The following FSCN1 variants were observed in gnomAD, a reference collection of about 807,000 sequenced individuals.
FSCN1 encodes fascin actin-bundling protein 1, also known as fascin.
Under a neutral mutation model 39.7 loss-of-function variants are expected in FSCN1, and 10 were observed. The observed-to-expected ratio is 0.25, with a 90% CI of 0.16 to 0.43. The LOEUF is 0.43. FSCN1 is among the 20% of genes least tolerant of loss of function. The pLI, the probability that FSCN1 is intolerant of heterozygous loss-of-function variation, is 1.00. For missense variants in FSCN1, 525 were observed against 723.8 expected, an observed-to-expected ratio of 0.73 and a Z score of 3.15; for synonymous variants, 322 against 320.0, an observed-to-expected ratio of 1.01 and a Z score of -0.07.
intron 4 of FSCN1, among the ~76,000 whole-genome samples, chr7:5,604,231 G>A (rs1213472047): frequency 2.0e-5 from 3 of 152,064 alleles, no homozygotes; most frequent in South Asian, 2.1e-4. Context: ...TGTGTGGTTG[G>A]GGGGACTTAC....
In FSCN1 at chr7:5,603,303, C is replaced by A. The variant is rs1562749191; in HGVS notation, c.879C>A (p.Thr293=). Residue 293 remains threonine, a synonymous_variant, in exon 2 of 5, where the codon ACC becomes ACA. Transcript: ENST00000382361. This position sits in a 1 kb window ranked among gnomAD's most constrained non-coding sequence, Gnocchi z 8.5. The part of the protein sequence containing the change: ...ANQDEETDQE[T]FQLEIDRDTK... ...AGGACGAGGAGACCGACCAGGAGAC[C>A]TTCCAGCTGGAGATCGACCGCGACA... 6.2e-7 allele frequency: 1 copy of A among 1,613,230 alleles called. No homozygotes were observed. The highest frequency in any genetic ancestry group is 2.2e-5 in the East Asian group (1 of 44,882).
chr7:5,603,220 G>A lies in FSCN1; in HGVS notation c.833-37G>A. 4 of 1,608,700 alleles carry A rather than the reference G, an allele frequency of 2.5e-6. No homozygotes were observed. The highest frequency in any genetic ancestry group is 2.3e-4 in the Middle Eastern group (1 of 4,434). On this transcript the variant is annotated intron_variant, in intron 1 of 4. Coordinates refer to ENST00000382361, the MANE Select transcript of FSCN1 (RefSeq NM_003088.4). The surrounding 1 kb of genome is among the most constrained non-coding windows in gnomAD (Gnocchi z 8.5). ...ATGGTCTGCCAGAACTAGGGGGCGT[G>A]GGGCCCCAGTACCAGCCCAAGGCCT...
In FSCN1 at chr7:5,593,787, C is replaced by G. The variant is rs781383682; in HGVS notation, c.832+19C>G. ...CGCCAGGGTGAGTGGGGACGCTGCC[C>G]CCGCCTCTCCTGGTCCGTGCACAAA... On this transcript the variant is annotated intron_variant, in intron 1 of 4. Transcript: ENST00000382361. The G allele has an allele frequency of 3.4e-6, 5 of 1,477,888 alleles. No individual in the cohort carries two copies. Among genetic ancestry groups the G allele is most frequent in the Admixed American group, 2.0e-5 (1 of 50,404 alleles). 91.5% of individuals were successfully genotyped at this position (1,477,888 alleles called of 1,614,324 possible).
rs547474670 is a variant in FSCN1 at position 5,605,080 on chromosome 7, G to A, written c.1280-192G>A. On this transcript the variant is annotated intron_variant, in intron 4 of 4. Transcript: ENST00000382361. The surrounding 1 kb of genome is among the most constrained non-coding windows in gnomAD (Gnocchi z 6.9). Reference sequence around the variant, plus strand: ...GAGCCACTGCGGCCGAGCAGAACACGTTCTAGGACCCTTGTTCATGTGTCC... The same window carrying A: ...GAGCCACTGCGGCCGAGCAGAACACATTCTAGGACCCTTGTTCATGTGTCC... Among the ~76,000 whole-genome samples the A allele has an allele frequency of 2.0e-5, 3 of 152,302 alleles. No homozygotes were observed. The highest frequency in any genetic ancestry group is 4.8e-5 in the African/African-American group (2 of 41,574).
intron 1 of FSCN1, among the ~76,000 whole-genome samples, chr7:5,601,759 G>C (rs1161231828): frequency 6.6e-6 from 1 of 152,048 alleles, no homozygotes; most frequent in Non-Finnish European, 1.5e-5. Flanking sequence ...AGGATCACTT[G>C]AGCCCAGGAA....
chr7:5,595,302 T>C (rs1053288779), intron 1 of FSCN1, among the ~76,000 whole-genome samples: 4 of 152,180 alleles, frequency 2.6e-5, no homozygotes, highest in Non-Finnish European at 5.9e-5. Flanking sequence ...TGAAGCTGCT[T>C]GTCATGGGTC....
chr7:5,595,768 C>T (rs769389196), intron 1 of FSCN1, among the ~76,000 whole-genome samples: 9 of 152,102 alleles, frequency 5.9e-5, no homozygotes, highest in Middle Eastern at 3.2e-3. Context: ...GGGCTATGGT[C>T]CTTGCCTTGG....
At chr7:5,598,293 G>C (rs1011041600) in intron 1 of FSCN1, among the ~76,000 whole-genome samples, 1 of 152,246 alleles carries the variant, frequency 6.6e-6, no homozygotes, top group African/African-American at 2.4e-5. Context: ...AGGATTGAAC[G>C]CAACAGGCTG....
At position 5,606,466 on chromosome 7, in the gene FSCN1, C is replaced by T. The variant is rs1420387398; in HGVS notation, c.*992C>T. The T allele has an allele frequency of 6.6e-6, 1 of 152,002 alleles. No individual in the cohort carries two copies. The highest frequency in any genetic ancestry group is 2.4e-5 in the African/African-American group (1 of 41,366). 9.4% of individuals were successfully genotyped at this position (152,002 alleles called of 1,614,324 possible). Reference sequence around the variant, plus strand: ...CGGGTGGATGAAGCCAGGCGTCGCCCCCTCCGGGAGCCCTGGGGTGAGCCG... The same window carrying T: ...CGGGTGGATGAAGCCAGGCGTCGCCTCCTCCGGGAGCCCTGGGGTGAGCCG... On this transcript the variant is annotated 3_prime_UTR_variant, in exon 5 of 5. Coordinates refer to ENST00000382361, the MANE Select transcript of FSCN1 (RefSeq NM_003088.4). This position sits in a 1 kb window ranked among gnomAD's most constrained non-coding sequence, Gnocchi z 5.1.
At position 5,593,758 on chromosome 7, in the gene FSCN1, C is replaced by A; in HGVS notation, c.822C>A (p.Ser274=). 1 of 1,578,022 alleles carries A rather than the reference C, an allele frequency of 6.3e-7. No homozygotes were observed. The highest frequency in any genetic ancestry group is 2.3e-5 in the East Asian group (1 of 43,756). ...VLQAANERNV[S]TRQGMDLSAN... ...AGGCGGCCAACGAGAGGAACGTGTC[C>A]ACGCGCCAGGGTGAGTGGGGACGCT... The change falls in exon 1 of 5, where the codon TCC becomes TCA. Residue 274 remains serine, a synonymous_variant. Coordinates refer to ENST00000382361, the MANE Select transcript of FSCN1 (RefSeq NM_003088.4).
At chr7:5,596,717 G>T (rs1785736876) in intron 1 of FSCN1, among the ~76,000 whole-genome samples, 1 of 152,204 alleles carries the variant, frequency 6.6e-6, no homozygotes, top group Non-Finnish European at 1.5e-5. Context: ...GCCACTCTGA[G>T]GAGGGCTGAC....
Position 5,603,727 on chromosome 7 carries a change from C to G in FSCN1, c.1111+110C>G. On this transcript the variant is annotated intron_variant, in intron 3 of 4. Coordinates refer to ENST00000382361, the MANE Select transcript of FSCN1 (RefSeq NM_003088.4). The surrounding 1 kb of genome is among the most constrained non-coding windows in gnomAD (Gnocchi z 8.5). ...AAGGCCTGCTCTGTGCTGGGCATCC[C>G]CCCGGACTGGCCCCGCACTGTCCTA... 6 of 1,536,124 alleles carry G rather than the reference C, an allele frequency of 3.9e-6. No homozygotes were observed. The highest frequency in any genetic ancestry group is 4.5e-6 in the Non-Finnish European group (5 of 1,121,556).
At position 5,603,224 on chromosome 7, in the gene FSCN1, C is replaced by A. The variant is rs1417524643; in HGVS notation, c.833-33C>A. ...TCTGCCAGAACTAGGGGGCGTGGGG[C>A]CCCAGTACCAGCCCAAGGCCTCCTC... is the stretch of plus-strand genomic sequence containing the variant. On this transcript the variant is annotated intron_variant, in intron 1 of 4. Transcript: ENST00000382361. The surrounding 1 kb of genome is among the most constrained non-coding windows in gnomAD (Gnocchi z 8.5). 15 of 1,609,542 alleles carry A rather than the reference C, an allele frequency of 9.3e-6. No individual in the cohort carries two copies. The highest frequency in any genetic ancestry group is 1.1e-5 in the Non-Finnish European group (13 of 1,179,194).
chr7:5,593,280 C>G lies in FSCN1; in HGVS notation c.344C>G (p.Thr115Ser). The G allele has an allele frequency of 6.2e-7, 1 of 1,609,900 alleles. No homozygotes were observed. Among genetic ancestry groups the G allele is most frequent in the Non-Finnish European group, 8.5e-7 (1 of 1,179,034 alleles). The change falls in exon 1 of 5, where the codon ACC (threonine) becomes AGC (serine). Residue 115 changes from threonine (T) to serine (S), a missense_variant. Coordinates refer to ENST00000382361, the MANE Select transcript of FSCN1 (RefSeq NM_003088.4). ...SEAHRRYFGG[T>S]EDRLSCFAQT... ...GCGCACCGGCGCTACTTCGGCGGCA[C>G]CGAGGACCGCCTGTCCTGCTTCGCG...
rs1410014108 is a variant in FSCN1 at position 5,604,114 on chromosome 7, C to T, written c.1279+84C>T. The T allele has an allele frequency of 3.1e-6, 4 of 1,290,846 alleles. No individual in the cohort carries two copies. In the South Asian group the frequency reaches 3.9e-5, roughly 13 times the overall value. 80.0% of individuals were successfully genotyped at this position (1,290,846 alleles called of 1,614,324 possible). On this transcript the variant is annotated intron_variant, in intron 4 of 4. Coordinates refer to ENST00000382361, the MANE Select transcript of FSCN1 (RefSeq NM_003088.4). Reference sequence around the variant, plus strand: ...GTGCTGCGGGGAGCGCCCTCTGCATCCACACTGGACCCTGGCTTGGCTCAG... The same window carrying T: ...GTGCTGCGGGGAGCGCCCTCTGCATTCACACTGGACCCTGGCTTGGCTCAG...
chr7:5,593,059 G>A lies in FSCN1; in HGVS notation c.123G>A (p.Lys41=), dbSNP rs540445382. The A allele has an allele frequency of 2.2e-4, 354 of 1,604,706 alleles. 1 individual carries two copies. In the East Asian group the frequency reaches 7.2e-3, roughly 33 times the overall value. The change falls in exon 1 of 5, where the codon AAG becomes AAA. Residue 41 remains lysine, a synonymous_variant. Transcript: ENST00000382361. ...FKVNASASSL[K]KKQIWTLEQP... ...TGAACGCGTCCGCCAGCAGCCTGAA[G>A]AAGAAGCAGATCTGGACGCTGGAGC...
In FSCN1 at chr7:5,603,131, G is replaced by T. The variant is rs1785863768; in HGVS notation, c.833-126G>T. 2.9e-6 allele frequency: 3 copies of T among 1,034,436 alleles called. No homozygotes were observed. Among genetic ancestry groups the T allele is most frequent in the Admixed American group, 2.0e-5 (1 of 50,554 alleles). The allele number at this position is 1,034,436 out of a possible 1,614,324, so 64.1% of individuals were successfully genotyped here. A position where few individuals can be genotyped will look rare whatever the true frequency, so the allele number is the denominator to read the frequency against. On this transcript the variant is annotated intron_variant, in intron 1 of 4. Coordinates refer to ENST00000382361, the MANE Select transcript of FSCN1 (RefSeq NM_003088.4). The surrounding 1 kb of genome is among the most constrained non-coding windows in gnomAD (Gnocchi z 8.5). Reference sequence around the variant, plus strand: ...TGCTTCTCATGTGTGCCACTGTGGGGACTCGGCCGCCCACCCCACCCCGTG... The same window carrying T: ...TGCTTCTCATGTGTGCCACTGTGGGTACTCGGCCGCCCACCCCACCCCGTG...
At chr7:5,597,396 T>C (rs1785748657) in intron 1 of FSCN1, among the ~76,000 whole-genome samples, 2 of 148,268 alleles carry the variant, frequency 1.3e-5, no homozygotes, top group Non-Finnish European at 3.0e-5. Flanking sequence ...CCTGGTGCGG[T>C]GGCTCACGCC....
chr7:5,593,919 C>G (rs1272981104), intron 1 of FSCN1, 151 bp downstream of exon 1: 4 of 600,358 alleles, frequency 6.7e-6, no homozygotes, highest in South Asian at 6.2e-5. Flanking sequence ...CGGGCTACCC[C>G]GCCTGGAGGG....
Sources: allele counts gnomAD v4.1 joint callset (sites outside exome capture counted in the v4.1 genomes callset), GRCh38; gene constraint gnomAD v4.1.1; non-coding constraint Gnocchi (gnomAD v3.1); transcripts MANE v1.5; gene names NCBI Gene and HGNC (gene_info 2026-07-23, HGNC 2026-07-21).